Variants in CATSPER2 observed in about 807,000 individuals in gnomAD.
The protein encoded by CATSPER2 is cation channel sperm associated 2, also known as cation channel sperm-associated protein 2.
In CATSPER2, 56 loss-of-function variants were observed where a neutral mutation model predicts 68.8. That is an observed-to-expected ratio of 0.81 (90% CI 0.66 to 1.02). CATSPER2 has a LOEUF of 1.02. CATSPER2 is among the 50% of genes least tolerant of loss of function. The pLI, the probability that CATSPER2 is intolerant of heterozygous loss-of-function variation, is 0.00. For missense variants in CATSPER2, 582 were observed against 642.0 expected, an observed-to-expected ratio of 0.91 and a Z score of 1.01; for synonymous variants, 198 against 229.9, an observed-to-expected ratio of 0.86 and a Z score of 1.26.
chr15:43,646,336 C>A (rs928426803), intron 4 of CATSPER2, among the ~76,000 whole-genome samples: 4 of 151,242 alleles, frequency 2.6e-5, no homozygotes, highest in Non-Finnish European at 4.4e-5. Context: ...TTTCAGCTCA[C>A]TGCAACCTCG....
Position 43,630,547 on chromosome 15 carries a change from G to T in CATSPER2, c.*154C>A. On this transcript the variant is annotated 3_prime_UTR_variant, in exon 13 of 13. Coordinates refer to ENST00000396879, the MANE Select transcript of CATSPER2 (RefSeq NM_172095.4). The stretch of plus-strand genomic sequence containing the variant: ...TTTTTTTGTATTTTTAGTAGAGACA[G>T]GGTTTCACCACGCCTGGCCTAGACA... The T allele has an allele frequency of 6.6e-7, 1 of 1,517,916 alleles. No homozygotes were observed. The highest frequency in any genetic ancestry group is 2.4e-5 in the East Asian group (1 of 41,002). The allele number at this position is 1,517,916 out of a possible 1,614,324, so 94.0% of individuals were successfully genotyped here.
At chr15:43,634,603 C>T (rs928416336) in intron 10 of CATSPER2, 1 of 152,274 alleles carries the variant, frequency 6.6e-6, no homozygotes, top group African/African-American at 2.4e-5. Flanking sequence ...GAACTTCTGG[C>T]TTGAACTTCA....
chr15:43,632,049 A>C (rs2085881066), intron 12 of CATSPER2, 150 bp downstream of exon 12: 1 of 862,806 alleles, frequency 1.2e-6, no homozygotes, highest in Non-Finnish European at 1.9e-6. Flanking sequence ...GTGACATACC[A>C]AACCAAGAAT....
rs1303136124 is a variant in CATSPER2, at chr15:43,639,802, T to C, written c.562-4A>G. 6.2e-7 allele frequency: 1 copy of C among 1,611,556 alleles called. No individual in the cohort carries two copies. The highest frequency in any genetic ancestry group is 1.3e-5 in the African/African-American group (1 of 74,716). On this transcript the variant is annotated splice_region_variant and splice_polypyrimidine_tract_variant and intron_variant, in intron 5 of 12. Transcript: ENST00000396879. ...CCACAACCTCGGGAAGCAGGGACTG[T>C]GGAAAACACACAGGTTATAAGTAAA... is the stretch of plus-strand genomic sequence containing the variant.
intron 7 of CATSPER2, among the ~76,000 whole-genome samples, chr15:43,637,068 C>T (rs2085977925): frequency 6.6e-6 from 1 of 151,838 alleles, no homozygotes; most frequent in Non-Finnish European, 1.5e-5. Context: ...AGTGATCTGC[C>T]TGCCTCAGCC....
rs146592201 is a variant in CATSPER2, at chr15:43,647,379, T to C, written c.234A>G (p.Ser78=). 305 of 1,613,248 alleles carry C rather than the reference T, an allele frequency of 1.9e-4. 5 individuals are homozygous for C. The East Asian group carries it at 6.7e-3, about 36-fold the overall frequency. ...SIKPQRIEQI[S]HAQRLLSRLH... Reference sequence around the variant, plus strand: ...GCCTGCTCAACAGCCTCTGGGCATGTGAAATCTGTTCTATACGCTGAGGCT... The same window carrying C: ...GCCTGCTCAACAGCCTCTGGGCATGCGAAATCTGTTCTATACGCTGAGGCT... The change falls in exon 3 of 13, where the codon TCA becomes TCG. Residue 78 remains serine (S), a synonymous_variant. Coordinates refer to ENST00000396879, the MANE Select transcript of CATSPER2 (RefSeq NM_172095.4).
chr15:43,637,360 A>G lies in CATSPER2; in HGVS notation c.843-1141T>C, dbSNP rs955661280. On this transcript the variant is annotated intron_variant, in intron 7 of 12. Transcript: ENST00000396879. ...ATTATAAAATTAATATTTAAAAATT[A>G]CTAAAAAAGTAAAAAGTTTCCAGGG... 4.6e-5 allele frequency among the ~76,000 whole-genome samples: 7 copies of G among 152,040 alleles called. No individual in the cohort carries two copies. In the East Asian group the frequency reaches 9.6e-4, roughly 21 times the overall value.
intron 12 of CATSPER2, among the ~76,000 whole-genome samples, 183 bp from the exon 13 acceptor site, chr15:43,630,915 T>C (rs956809755): frequency 4.3e-4 from 65 of 152,018 alleles, no homozygotes; most frequent in East Asian, 1.4e-3. Context: ...TTAAAGAAAC[T>C]ACCTTGCTGC....
chr15:43,633,011 G>C, intron 10 of CATSPER2, 77 bp from the exon 11 acceptor site: 1 of 1,242,808 alleles, frequency 8.0e-7, no homozygotes, highest in Non-Finnish European at 1.1e-6. Context: ...TTCTGCCCCT[G>C]GCCACCCCCT....
chr15:43,639,038 A>G lies in CATSPER2; in HGVS notation c.718-10T>C, dbSNP rs1254753584. On this transcript the variant is annotated splice_polypyrimidine_tract_variant and intron_variant, in intron 6 of 12. Coordinates refer to ENST00000396879, the MANE Select transcript of CATSPER2 (RefSeq NM_172095.4). ...AGAGGAAGGTCATGCTCTAGAGGCC[A>G]TAACTCTCATGTCAGATGTGGGCCA... 6.8e-6 allele frequency: 11 copies of G among 1,611,386 alleles called. No homozygotes were observed. Among genetic ancestry groups the G allele is most frequent in the Non-Finnish European group, 9.3e-6 (11 of 1,178,544 alleles).
chr15:43,648,735 C>T lies in CATSPER2; in HGVS notation c.-109G>A, dbSNP rs2086220986. 6.6e-7 allele frequency: 1 copy of T among 1,520,516 alleles called. No individual in the cohort carries two copies. Among genetic ancestry groups the T allele is most frequent in the South Asian group, 1.2e-5 (1 of 82,608 alleles). 94.2% of individuals were successfully genotyped at this position (1,520,516 alleles called of 1,614,324 possible). On this transcript the variant is annotated 5_prime_UTR_variant, in exon 1 of 13. Coordinates refer to ENST00000396879, the MANE Select transcript of CATSPER2 (RefSeq NM_172095.4). The stretch of plus-strand genomic sequence containing the variant: ...CTATGCAAGACGAGCTCAGGGCCGG[C>T]TCCCAGCCTCACTGCGCCCCATTCC...
rs1047096342 is a variant in CATSPER2 at position 43,636,041 on chromosome 15, C to G, written c.1021G>C (p.Val341Leu). The G allele has an allele frequency of 6.5e-7, 1 of 1,543,138 alleles. No homozygotes were observed. Among genetic ancestry groups the G allele is most frequent in the African/African-American group, 1.4e-5 (1 of 72,956 alleles). Residue 341 changes from valine (V) to leucine (L), a missense_variant and splice_region_variant, in exon 8 of 13, where the codon GTT becomes CTT. Physicochemically the swap from Val to Leu is conservative, Grantham distance 32. Transcript: ENST00000396879. ...CAAGTTTCACCTCCTCTATGCTTAC[C>G]CATCATGGCTACTATGATACTTCGA... is the stretch of plus-strand genomic sequence containing the variant. ...IFRSIIVAMM[V>L]TNFQNIRKEL...
intron 7 of CATSPER2, among the ~76,000 whole-genome samples, chr15:43,636,915 C>T (rs183975850): frequency 3.3e-5 from 5 of 150,902 alleles, no homozygotes; most frequent in Non-Finnish European, 5.9e-5. Flanking sequence ...CTCTGCACTC[C>T]AGGCTCAAGC....
chr15:43,633,939 C>T (rs1249413568), intron 10 of CATSPER2: 2 of 151,030 alleles, frequency 1.3e-5, no homozygotes, highest in Non-Finnish European at 2.9e-5. Flanking sequence ...AGCCTGGTGA[C>T]AGAGCGAGAC....
intron 4 of CATSPER2, among the ~76,000 whole-genome samples, chr15:43,646,718 CTTTT>C (rs56230106): frequency 7.2e-6 from 1 of 138,642 alleles, no homozygotes; most frequent in Non-Finnish European, 1.6e-5. Context: ...TTTTCTTTTT[CTTTT>C]TTTTTTTTTT....
intron 10 of CATSPER2, 100 bp from the exon 11 acceptor site, chr15:43,633,034 T>C (rs2085903549): frequency 1.0e-6 from 1 of 959,662 alleles, no homozygotes; most frequent in Non-Finnish European, 1.5e-6. Context: ...AGCTGGGGCA[T>C]AAGACAATGA....
intron 12 of CATSPER2, 60 bp downstream of exon 12, chr15:43,632,139 C>T (rs2085882824): frequency 1.3e-6 from 2 of 1,568,806 alleles, no homozygotes. Flanking sequence ...CCTCCTTCTC[C>T]ACAGCTATAA....
intron 2 of CATSPER2, among the ~76,000 whole-genome samples, 157 bp from the exon 3 acceptor site, chr15:43,647,624 A>C (rs2086194997): frequency 6.6e-6 from 1 of 151,946 alleles, no homozygotes; most frequent in South Asian, 2.1e-4. Flanking sequence ...TTGGAGTGAG[A>C]GCAAATGTAT....
In CATSPER2 at chr15:43,629,922, T is replaced by C. The variant is rs2085847462; in HGVS notation, c.*779A>G. 6.6e-6 allele frequency: 1 copy of C among 151,744 alleles called. No individual in the cohort carries two copies. Among genetic ancestry groups the C allele is most frequent in the Non-Finnish European group, 1.5e-5 (1 of 67,944 alleles). 9.4% of individuals were successfully genotyped at this position (151,744 alleles called of 1,614,324 possible). A position where few individuals can be genotyped will look rare whatever the true frequency, so the allele number is the denominator to read the frequency against. ...TCTCAATTAGTTACACTAACAGCTCTGAAGATCTCCTTACTCCACAGAGGG... is the reference window on the plus strand; with the variant it reads ...TCTCAATTAGTTACACTAACAGCTCCGAAGATCTCCTTACTCCACAGAGGG... On this transcript the variant is annotated 3_prime_UTR_variant, in exon 13 of 13. Transcript: ENST00000396879.
Sources: allele counts gnomAD v4.1 joint callset (sites outside exome capture counted in the v4.1 genomes callset), GRCh38; gene constraint gnomAD v4.1.1; transcripts MANE v1.5; gene names NCBI Gene and HGNC (gene_info 2026-07-23, HGNC 2026-07-21).